KCNIP4: variants seen among roughly 807,000 people sequenced by gnomAD.
The protein encoded by KCNIP4 is potassium voltage-gated channel interacting protein 4, also known as Kv channel-interacting protein 4.
A neutral mutation model predicts 34.0 loss-of-function variants in KCNIP4; 12 were observed. The ratio of observed to expected loss-of-function variants is 0.35; its 90% CI spans 0.23 to 0.57. The LOEUF is 0.57. KCNIP4 is among the 20% of genes least tolerant of loss of function. The pLI is 0.83. For synonymous variants in KCNIP4, 124 were observed against 102.2 expected, an observed-to-expected ratio of 1.21 and a Z score of -1.29; for missense variants, 238 against 311.7, an observed-to-expected ratio of 0.76 and a Z score of 1.78.
At chr4:20,739,804 G>T (rs759562556) in intron 5 of KCNIP4, among the ~76,000 whole-genome samples, 2 of 152,166 alleles carry the variant, frequency 1.3e-5, no homozygotes, top group Non-Finnish European at 2.9e-5. Context: ...CCGAACTAAA[G>T]GAAGATGTTC....
intron 1 of KCNIP4, among the ~76,000 whole-genome samples, chr4:20,898,244 T>C (rs1726774245): frequency 6.6e-6 from 1 of 152,148 alleles, no homozygotes; most frequent in Admixed American, 6.5e-5. Flanking sequence ...TGGCCTCTCA[T>C]GGGACTTTTT....
chr4:21,151,406 A>ATTT lies in KCNIP4; in HGVS notation c.62-268700_62-268698dup, dbSNP rs35983306. Among the ~76,000 whole-genome samples, 21 of 51,302 alleles carry ATTT rather than the reference A, an allele frequency of 4.1e-4. 1 individual carries two copies. Among genetic ancestry groups the ATTT allele is most frequent in the Non-Finnish European group, 6.8e-4 (16 of 23,480 alleles). The allele number at this position is 51,302 out of a possible 152,430, so 33.7% of individuals were successfully genotyped here. ...GAATGGATGTCTTCAACAAAAGACAATTTTTTTTTTTTTTTTTTTTTTTTT... is the reference window on the plus strand; with the variant it reads ...GAATGGATGTCTTCAACAAAAGACAATTTTTTTTTTTTTTTTTTTTTTTTTTTT... On this transcript the variant is annotated intron_variant, in intron 1 of 8. Coordinates refer to ENST00000382152, the MANE Select transcript of KCNIP4 (RefSeq NM_025221.6).
chr4:21,910,904 T>C (rs1171913396), intron 1 of KCNIP4, among the ~76,000 whole-genome samples: 1 of 152,220 alleles, frequency 6.6e-6, no homozygotes, highest in Non-Finnish European at 1.5e-5. Flanking sequence ...TTACTATGAT[T>C]TACCCTAGCT....
At chr4:20,913,719 T>A (rs192771179) in intron 1 of KCNIP4, among the ~76,000 whole-genome samples, 52 of 152,306 alleles carry the variant, frequency 3.4e-4, no homozygotes, top group Non-Finnish European at 5.1e-4. Flanking sequence ...TTCTTAAAAT[T>A]CCTCTGTAGC....
At chr4:21,338,755 C>G (rs914149048) in intron 1 of KCNIP4, among the ~76,000 whole-genome samples, 1 of 151,864 alleles carries the variant, frequency 6.6e-6, no homozygotes, top group Non-Finnish European at 1.5e-5. Context: ...TTCCTCCAAG[C>G]ACACGTTAAT....
chr4:21,688,922 A>G (rs889975061), intron 1 of KCNIP4, among the ~76,000 whole-genome samples: 3 of 151,878 alleles, frequency 2.0e-5, no homozygotes, highest in African/African-American at 4.8e-5. Flanking sequence ...TGCTTCACCT[A>G]CCTTGCCCAT....
At chr4:20,816,682 AT>A (rs1184059046) in intron 3 of KCNIP4, among the ~76,000 whole-genome samples, 3 of 152,132 alleles carry the variant, frequency 2.0e-5, no homozygotes, top group Non-Finnish European at 4.4e-5. Context: ...GGTAGGAAAG[AT>A]TTTGCCTTTT....
At chr4:20,874,308 A>G (rs79488205) in intron 2 of KCNIP4, among the ~76,000 whole-genome samples, 7 of 152,072 alleles carry the variant, frequency 4.6e-5, no homozygotes, top group African/African-American at 1.7e-4. Flanking sequence ...TAACTCTAGT[A>G]TCTCTCTAGT....
chr4:21,623,700 C>T lies in KCNIP4; in HGVS notation c.61+324871G>A, dbSNP rs534348390. ...ACCAGCTTAGTAGTTACCAATAGTT[C>T]TTTCTTGTTGGAGCATCTCAGAAAA... On this transcript the variant is annotated intron_variant, in intron 1 of 8. Coordinates refer to ENST00000382152, the MANE Select transcript of KCNIP4 (RefSeq NM_025221.6). Among the ~76,000 whole-genome samples the T allele has an allele frequency of 2.6e-5, 4 of 152,024 alleles. No individual in the cohort carries two copies. The South Asian group carries it at 8.3e-4, about 32-fold the overall frequency.
At chr4:21,512,188 CGAAGGAACGAACGAAGGAAG>C (rs1264047612) in intron 1 of KCNIP4, among the ~76,000 whole-genome samples, 5 of 139,364 alleles carry the variant, frequency 3.6e-5, no homozygotes, top group African/African-American at 1.5e-4. Flanking sequence ...AAGGAACGAA[CGAAGGAACGAACGAAGGAAG>C]GAAGGAAGGA....
At chr4:21,334,877 A>G (rs1486371909) in intron 1 of KCNIP4, among the ~76,000 whole-genome samples, 2 of 152,134 alleles carry the variant, frequency 1.3e-5, no homozygotes, top group Non-Finnish European at 2.9e-5. Context: ...TTCTGTCAAT[A>G]TAATACATTG....
At chr4:20,894,280 T>C (rs940503955) in intron 1 of KCNIP4, among the ~76,000 whole-genome samples, 3 of 152,188 alleles carry the variant, frequency 2.0e-5, no homozygotes, top group Non-Finnish European at 4.4e-5. Context: ...TAAGGTTGAT[T>C]CTTCTGATGG....
At chr4:21,725,824 G>A (rs2109102541) in intron 1 of KCNIP4, among the ~76,000 whole-genome samples, 1 of 151,952 alleles carries the variant, frequency 6.6e-6, no homozygotes, top group Admixed American at 6.6e-5. Flanking sequence ...GCACATAGCA[G>A]GTATATAATA....
rs191067258 is a variant in KCNIP4, at chr4:21,125,246, C to A, written c.62-242537G>T. Among the ~76,000 whole-genome samples, 196 of 65,406 alleles carry A rather than the reference C, an allele frequency of 3.0e-3. 2 individuals are homozygous for A. The highest frequency in any genetic ancestry group is 9.5e-3 in the African/African-American group (182 of 19,118). 42.9% of individuals were successfully genotyped at this position (65,406 alleles called of 152,430 possible). On this transcript the variant is annotated intron_variant, in intron 1 of 8. Transcript: ENST00000382152. ...ATTTTATTTTATTGTGAGACAGAGTCTTGCCCTGTCACCTAGGCTGGAGTG... is the reference window on the plus strand; with the variant it reads ...ATTTTATTTTATTGTGAGACAGAGTATTGCCCTGTCACCTAGGCTGGAGTG...
rs28718873 is a variant in KCNIP4, at chr4:21,433,030, C to T, written c.61+515541G>A. ...AGCCATACCTAAGTCTTTCTGTCAT[C>T]TCAAAGGTTAACCTTGTGTAGTAGA... On this transcript the variant is annotated intron_variant, in intron 1 of 8. Coordinates refer to ENST00000382152, the MANE Select transcript of KCNIP4 (RefSeq NM_025221.6). Among the ~76,000 whole-genome samples, 963 of 152,272 alleles carry T rather than the reference C, an allele frequency of 6.3e-3. 12 individuals are homozygous for T. The highest frequency in any genetic ancestry group is 0.022 in the African/African-American group (914 of 41,542).
chr4:20,780,044 G>A (rs1455593928), intron 3 of KCNIP4, among the ~76,000 whole-genome samples: 2 of 152,152 alleles, frequency 1.3e-5, no homozygotes, highest in East Asian at 3.9e-4. Context: ...CATGATTGTA[G>A]GACATGGATA....
intron 1 of KCNIP4, among the ~76,000 whole-genome samples, chr4:21,497,830 C>T (rs1449895077): frequency 6.6e-6 from 1 of 151,974 alleles, no homozygotes; most frequent in Non-Finnish European, 1.5e-5. Flanking sequence ...CATAGTTATT[C>T]TAAAGTAAAT....
chr4:21,890,254 A>G (rs80154420), intron 1 of KCNIP4, among the ~76,000 whole-genome samples: 4,784 of 152,258 alleles, frequency 0.031, 92 homozygotes, highest in Non-Finnish European at 0.045. Flanking sequence ...ATGCTTGACC[A>G]GAGGCAGACT....
intron 3 of KCNIP4, among the ~76,000 whole-genome samples, chr4:20,815,510 A>G (rs1041938543): frequency 6.6e-6 from 1 of 152,128 alleles, no homozygotes; most frequent in South Asian, 2.1e-4. Flanking sequence ...TGATGTTAAG[A>G]ATCCTTGATT....
Sources: allele counts gnomAD v4.1 joint callset (sites outside exome capture counted in the v4.1 genomes callset), GRCh38; gene constraint gnomAD v4.1.1; transcripts MANE v1.5; gene names NCBI Gene and HGNC (gene_info 2026-07-23, HGNC 2026-07-21).